Variants in LHCGR observed in about 807,000 individuals in gnomAD.
LHCGR encodes lutropin-choriogonadotropic hormone receptor.
A neutral mutation model predicts 60.7 loss-of-function variants in LHCGR; 55 were observed. The ratio of observed to expected loss-of-function variants is 0.91; its 90% confidence interval spans 0.73 to 1.13. The LOEUF (loss-of-function observed/expected upper bound fraction) is 1.13. Among genes scored for constraint, LHCGR ranks in the 50% most tolerant of loss-of-function variants. The probability of loss-of-function intolerance (pLI) is 0.00; values close to 1 mark genes in which losing one functional copy is unlikely to be tolerated. For synonymous variants in LHCGR, 337 were observed against 316.5 expected (o/e 1.06, Z -0.69); for missense variants, 862 against 836.0 (o/e 1.03, Z -0.38).
chr2:48,732,538 C>T (rs1042045712), intron 1 of LHCGR, among the ~76,000 whole-genome samples: 8 of 152,180 alleles, frequency 5.3e-5, no homozygotes, highest in Admixed American at 5.2e-4. Flanking sequence ...ATTTCTCTTA[C>T]ATAGCAGAAG....
At chr2:48,748,240 C>A (rs773975092) in intron 1 of LHCGR, among the ~76,000 whole-genome samples, 4 of 152,166 alleles carry the variant, frequency 2.6e-5, no homozygotes, top group South Asian at 4.2e-4. Context: ...GAGATGGTAT[C>A]TTTGGATCCT....
chr2:48,753,617 G>A (rs1463623486), intron 1 of LHCGR, among the ~76,000 whole-genome samples: 1 of 152,096 alleles, frequency 6.6e-6, no homozygotes, highest in African/African-American at 2.4e-5. Context: ...GGAGAAAGTG[G>A]GATTTTTAAA....
At chr2:48,691,666 C>T (rs1007309903) in intron 10 of LHCGR, among the ~76,000 whole-genome samples, 2 of 151,894 alleles carry the variant, frequency 1.3e-5, no homozygotes, top group African/African-American at 4.8e-5. Flanking sequence ...GCCAATATGG[C>T]AAAACCCTGT....
chr2:48,707,670 T>A (rs1320806412), intron 8 of LHCGR, among the ~76,000 whole-genome samples: 1 of 152,256 alleles, frequency 6.6e-6, no homozygotes, highest in Non-Finnish European at 1.5e-5. Context: ...TCCTGGCAGC[T>A]TTGTTTACAC....
chr2:48,713,991 A>G lies in LHCGR; in HGVS notation c.600T>C (p.Thr200=), dbSNP rs1407911913. 1 of 1,603,402 alleles carries G rather than the reference A, an allele frequency of 6.2e-7. No homozygotes were observed. The highest frequency in any genetic ancestry group is 1.7e-5 in the Admixed American group (1 of 59,976). ...QSHAFNGTTL[T]SLELKENVHL... The stretch of plus-strand genomic sequence containing the variant: ...GGAAATAAGCAAATACTTACAGTGA[A>G]GTCAGTGTCGTCCCATTGAATGCAT... The change falls in exon 7 of 11, where the codon ACT becomes ACC. Residue 200 remains threonine, a synonymous_variant. Coordinates refer to ENST00000294954, the MANE Select transcript of LHCGR (RefSeq NM_000233.4).
chr2:48,719,814 A>T (rs1274395465), intron 6 of LHCGR, among the ~76,000 whole-genome samples: 1 of 152,174 alleles, frequency 6.6e-6, no homozygotes, highest in Non-Finnish European at 1.5e-5. Flanking sequence ...ATGAAAAGAG[A>T]AGGCTTGCTT....
intron 6 of LHCGR, among the ~76,000 whole-genome samples, chr2:48,716,100 A>T (rs903573557): frequency 6.6e-6 from 1 of 151,164 alleles, no homozygotes; most frequent in East Asian, 2.0e-4. Context: ...AATAGTTTTC[A>T]TCCCTTTCTA....
chr2:48,734,559 C>T (rs1669135642), intron 1 of LHCGR, among the ~76,000 whole-genome samples: 1 of 68,504 alleles, frequency 1.5e-5, no homozygotes. Context: ...TTTCTTCCTC[C>T]TCCTTCCTCC....
At chr2:48,713,629 T>C (rs974192156) in intron 7 of LHCGR, among the ~76,000 whole-genome samples, 1 of 152,202 alleles carries the variant, frequency 6.6e-6, no homozygotes, top group African/African-American at 2.4e-5. Context: ...CTGATTTCTC[T>C]GCAGTGGGGC....
intron 8 of LHCGR, among the ~76,000 whole-genome samples, chr2:48,704,633 C>T (rs986104323): frequency 2.0e-5 from 3 of 152,016 alleles, no homozygotes; most frequent in African/African-American, 7.3e-5. Context: ...TGTATGTGTC[C>T]AGGAATTTAT....
chr2:48,694,174 C>T, intron 10 of LHCGR, 50 bp downstream of exon 10: 1 of 1,046,158 alleles, frequency 9.6e-7, no homozygotes. Context: ...TAATAAGGTG[C>T]ACACAGAACA....
rs758456448 is a variant in LHCGR at position 48,687,681 on chromosome 2, G to T, written c.*16C>A. The stretch of plus-strand genomic sequence containing the variant: ...GGTTTAAGAACAATTCAATAATGCA[G>T]TTACTGATGTAACAGTTAACACTCT... On this transcript the variant is annotated 3_prime_UTR_variant, in exon 11 of 11. Transcript: ENST00000294954. The T allele has an allele frequency of 1.3e-6, 2 of 1,597,272 alleles. No homozygotes were observed. The highest frequency in any genetic ancestry group is 1.7e-6 in the Non-Finnish European group (2 of 1,164,792).
rs891844091 is a variant in LHCGR at position 48,722,090 on chromosome 2, C to T, written c.536+1366G>A. Among the ~76,000 whole-genome samples, 8 of 152,274 alleles carry T rather than the reference C, an allele frequency of 5.3e-5. 1 individual carries two copies. Among genetic ancestry groups the T allele is most frequent in the Non-Finnish European group, 4.4e-5 (3 of 68,016 alleles). On this transcript the variant is annotated intron_variant, in intron 6 of 10. Coordinates refer to ENST00000294954, the MANE Select transcript of LHCGR (RefSeq NM_000233.4). ...ACTTGAACCCAGGAGGCAGAGGTTG[C>T]AGTGAGCCAAGATTGCGCCACTGCA...
intron 4 of LHCGR, among the ~76,000 whole-genome samples, 178 bp downstream of exon 4, chr2:48,725,498 C>T (rs560857231): frequency 2.6e-5 from 4 of 152,154 alleles, no homozygotes; most frequent in Non-Finnish European, 4.4e-5. Flanking sequence ...TGTAAAAGCA[C>T]CCAGCTCGGT....
chr2:48,692,492 G>T (rs1416388931), intron 10 of LHCGR, among the ~76,000 whole-genome samples: 1 of 152,160 alleles, frequency 6.6e-6, no homozygotes, highest in Non-Finnish European at 1.5e-5. Context: ...ACTGGTATTT[G>T]TGTCCTGGGA....
intron 1 of LHCGR, among the ~76,000 whole-genome samples, chr2:48,746,971 A>G (rs913025047): frequency 1.3e-5 from 2 of 150,986 alleles, no homozygotes; most frequent in Non-Finnish European, 3.0e-5. Flanking sequence ...TGCTTCAGGA[A>G]GCTCTTTCAT....
At chr2:48,726,304 A>T (rs1668724621) in intron 3 of LHCGR, among the ~76,000 whole-genome samples, 2 of 152,200 alleles carry the variant, frequency 1.3e-5, no homozygotes, top group South Asian at 4.1e-4. Flanking sequence ...TTGCTGTGTC[A>T]TGATGTCCAG....
At position 48,687,671 on chromosome 2, in the gene LHCGR, C is replaced by T; in HGVS notation, c.*26G>A. On this transcript the variant is annotated 3_prime_UTR_variant, in exon 11 of 11. Coordinates refer to ENST00000294954, the MANE Select transcript of LHCGR (RefSeq NM_000233.4). ...TTTTTTTACAGGTTTAAGAACAATT[C>T]AATAATGCAGTTACTGATGTAACAG... 6.3e-7 allele frequency: 1 copy of T among 1,578,842 alleles called. No homozygotes were observed. The highest frequency in any genetic ancestry group is 8.7e-7 in the Non-Finnish European group (1 of 1,148,136).
At chr2:48,738,527 C>A (rs752439874) in intron 1 of LHCGR, among the ~76,000 whole-genome samples, 20 of 152,196 alleles carry the variant, frequency 1.3e-4, no homozygotes, top group Non-Finnish European at 2.2e-4. Context: ...TTCTTTGCCA[C>A]CCCCTCAGCC....
Sources: gnomAD v4.1 joint callset for allele counts (sites outside exome capture counted in the v4.1 genomes callset) on GRCh38, gnomAD v4.1.1 for gene constraint, MANE v1.5 for transcripts, NCBI Gene and HGNC (gene_info 2026-07-23, HGNC 2026-07-21) for gene names.